The following HSPE1 variants were observed in gnomAD, a reference collection of about 807,000 sequenced individuals.
HSPE1 encodes the protein heat shock protein family E (Hsp10) member 1.
In HSPE1, 1 loss-of-function variant was observed where a neutral mutation model predicts 13.2. The ratio of observed to expected loss-of-function variants is 0.08; its 90% CI spans 0.03 to 0.36. HSPE1 has a LOEUF of 0.36. Among genes scored for constraint, HSPE1 ranks in the 10% least tolerant of loss-of-function variants. The pLI is 0.99. For synonymous variants in HSPE1, 44 were observed against 42.0 expected (o/e 1.05, Z -0.19); for missense variants, 73 against 118.7 (o/e 0.62, Z 1.79).
In HSPE1 at chr2:197,500,471, C is replaced by T. The variant is rs753141735; in HGVS notation, c.3+32C>T. 19 of 1,588,968 alleles carry T rather than the reference C, an allele frequency of 1.2e-5. No individual in the cohort carries two copies. In the East Asian group the frequency reaches 3.9e-4, roughly 32 times the overall value. On this transcript the variant is annotated intron_variant, in intron 1 of 3. Transcript: ENST00000233893. ...CCCGCGTGGCCCCGAGGCCTGCAGG[C>T]CCGGGCCTGTCTGAGGCGTACGGGG...
chr2:197,501,271 T>C (rs1030120330), intron 2 of HSPE1, 33 bp downstream of exon 2: 2 of 1,576,866 alleles, frequency 1.3e-6, no homozygotes, highest in Non-Finnish European at 1.7e-6. Context: ...CTATTTTTTA[T>C]AGTGTGCAGT....
chr2:197,500,745 G>A, intron 1 of HSPE1: 1 of 587,154 alleles, frequency 1.7e-6, no homozygotes, highest in Non-Finnish European at 3.0e-6. Context: ...CATGGTGCCA[G>A]GCAGGGAGCT....
chr2:197,500,567 G>A lies in HSPE1; in HGVS notation c.3+128G>A, dbSNP rs1373397479. ...GGCCACTCAGTGACCAGCGCCCGAT[G>A]GCACCTTGGAGCGGCAAGGCCCGCC... On this transcript the variant is annotated intron_variant, in intron 1 of 3. Transcript: ENST00000233893. The A allele has an allele frequency of 2.1e-5, 30 of 1,420,280 alleles. No individual in the cohort carries two copies. In the Middle Eastern group the frequency reaches 7.8e-4, roughly 37 times the overall value. The allele number at this position is 1,420,280 out of a possible 1,614,324, so 88.0% of individuals were successfully genotyped here. A position where few individuals can be genotyped will look rare whatever the true frequency, so the allele number is the denominator to read the frequency against.
intron 2 of HSPE1, among the ~76,000 whole-genome samples, chr2:197,502,124 C>G (rs1162710086): frequency 6.6e-6 from 1 of 152,212 alleles, no homozygotes; most frequent in East Asian, 1.9e-4. Flanking sequence ...GTTGGTATAC[C>G]TGGTTGTATA....
At chr2:197,501,004 C>T (rs2086246417) in intron 1 of HSPE1, 70 bp from the exon 2 acceptor site, 3 of 1,563,726 alleles carry the variant, frequency 1.9e-6, no homozygotes, top group East Asian at 2.2e-5. Context: ...AGATGTATAG[C>T]ACGGTGGCGT....
chr2:197,501,756 A>C (rs1247702467), intron 2 of HSPE1, among the ~76,000 whole-genome samples: 1 of 135,362 alleles, frequency 7.4e-6, no homozygotes, highest in Non-Finnish European at 1.6e-5. Context: ...GGACAGGGCG[A>C]GATTCTGTCT....
chr2:197,502,894 A>C, intron 2 of HSPE1, 145 bp from the exon 3 acceptor site: 1 of 589,358 alleles, frequency 1.7e-6, no homozygotes, highest in Non-Finnish European at 3.0e-6. Context: ...TTCTAGTATG[A>C]GTCGTATCAC....
Position 197,500,403 on chromosome 2 carries a change from T to C in HSPE1, c.-34T>C. On this transcript the variant is annotated 5_prime_UTR_variant, in exon 1 of 4. Coordinates refer to ENST00000233893, the MANE Select transcript of HSPE1 (RefSeq NM_002157.3). ...TGCGAGTCTCTTTGCGGCGCTACAC[T>C]AGAGCAGAGTACGAGTCTGAGGCGG... is the stretch of plus-strand genomic sequence containing the variant. 1.3e-6 allele frequency: 2 copies of C among 1,597,942 alleles called. No individual in the cohort carries two copies. The highest frequency in any genetic ancestry group is 1.7e-6 in the Non-Finnish European group (2 of 1,172,948).
In HSPE1 at chr2:197,503,244, A is replaced by G. The variant is rs761685029; in HGVS notation, c.294A>G (p.Gly98=). 1 of 1,605,622 alleles carries G rather than the reference A, an allele frequency of 6.2e-7. No homozygotes were observed. Among genetic ancestry groups the G allele is most frequent in the Non-Finnish European group, 8.5e-7 (1 of 1,175,240 alleles). Reference sequence around the variant, plus strand: ...TATTTAGAGATGGTGACATTCTTGGAAAGTACGTAGACTGAAATAAGTCAC... The same window carrying G: ...TATTTAGAGATGGTGACATTCTTGGGAAGTACGTAGACTGAAATAAGTCAC... The part of the protein sequence containing the change: ...YFLFRDGDIL[G]KYVD The change falls in exon 4 of 4, where the codon GGA becomes GGG. Residue 98 remains glycine (G), a synonymous_variant. Transcript: ENST00000233893.
chr2:197,500,762 A>C (rs770094011), intron 1 of HSPE1: 1 of 577,376 alleles, frequency 1.7e-6, no homozygotes, highest in Non-Finnish European at 3.1e-6. Flanking sequence ...AGCTTGACCC[A>C]GCGTTTCCTG....
At chr2:197,500,815 G>C in intron 1 of HSPE1, 1 of 585,794 alleles carries the variant, frequency 1.7e-6, no homozygotes, top group Non-Finnish European at 3.0e-6. Context: ...ATTTGACCTT[G>C]GAATAAACTA....
chr2:197,500,492 C>T (rs1270885852), intron 1 of HSPE1, 53 bp downstream of exon 1: 5 of 829,646 alleles, frequency 6.0e-6, no homozygotes, highest in Non-Finnish European at 9.1e-6. Flanking sequence ...CTGAGGCGTA[C>T]GGGGATCCCT....
At position 197,503,152 on chromosome 2, in the gene HSPE1, AAAG is replaced by A. The variant is rs774063842; in HGVS notation, c.258+28_258+30del. Reference sequence around the variant, plus strand: ...AGGTGTGTAAACTTAATAATTCTAAAAAGAAGTCAGATATTTGCAATTAGTTGT... The same window carrying A: ...AGGTGTGTAAACTTAATAATTCTAAAAAGTCAGATATTTGCAATTAGTTGT... On this transcript the variant is annotated intron_variant, in intron 3 of 3. Transcript: ENST00000233893. 225 of 1,584,416 alleles carry A rather than the reference AAAG, an allele frequency of 1.4e-4. 1 individual carries two copies. The highest frequency in any genetic ancestry group is 1.8e-4 in the Non-Finnish European group (212 of 1,153,402).
At chr2:197,500,512 C>G (rs2086237338) in intron 1 of HSPE1, 73 bp downstream of exon 1, 3 of 639,100 alleles carry the variant, frequency 4.7e-6, no homozygotes, top group Non-Finnish European at 5.5e-6. Context: ...TGACGCCCCT[C>G]TTTTGTTGGG....
chr2:197,502,213 C>T (rs1021286647), intron 2 of HSPE1, among the ~76,000 whole-genome samples: 3 of 152,166 alleles, frequency 2.0e-5, no homozygotes, highest in Non-Finnish European at 4.4e-5. Flanking sequence ...ACGCAAATCC[C>T]TAAACTTTCT....
Position 197,500,559 on chromosome 2 carries a change from C to T in HSPE1, c.3+120C>T, listed in dbSNP as rs1001857591. The T allele has an allele frequency of 4.9e-6, 7 of 1,439,622 alleles. No homozygotes were observed. In the African/African-American group the frequency reaches 9.9e-5, roughly 20 times the overall value. The allele number at this position is 1,439,622 out of a possible 1,614,324, so 89.2% of individuals were successfully genotyped here. On this transcript the variant is annotated intron_variant, in intron 1 of 3. Coordinates refer to ENST00000233893, the MANE Select transcript of HSPE1 (RefSeq NM_002157.3). ...GGATTGGTGGCCACTCAGTGACCAG[C>T]GCCCGATGGCACCTTGGAGCGGCAA...
rs1484605385 is a variant in HSPE1 at position 197,503,027 on chromosome 2, T to C, written c.169-12T>C. The C allele has an allele frequency of 6.6e-7, 1 of 1,525,802 alleles. No individual in the cohort carries two copies. The highest frequency in any genetic ancestry group is 9.0e-7 in the Non-Finnish European group (1 of 1,110,172). 94.5% of individuals were successfully genotyped at this position (1,525,802 alleles called of 1,614,324 possible). A position where few individuals can be genotyped will look rare whatever the true frequency, so the allele number is the denominator to read the frequency against. On this transcript the variant is annotated splice_polypyrimidine_tract_variant and intron_variant, in intron 2 of 3. Coordinates refer to ENST00000233893, the MANE Select transcript of HSPE1 (RefSeq NM_002157.3). ...AGATATCTTTGCTAATAAACATCCT[T>C]CCTTTTTTAAGGGTGGAGAGATTCA... is the stretch of plus-strand genomic sequence containing the variant.
At chr2:197,500,887 G>T (rs1471989786) in intron 1 of HSPE1, 187 bp from the exon 2 acceptor site, 1 of 700,298 alleles carries the variant, frequency 1.4e-6, no homozygotes, top group Non-Finnish European at 2.4e-6. Context: ...CCTAACAGAC[G>T]TAAGGAATCG....
intron 1 of HSPE1, 108 bp from the exon 2 acceptor site, chr2:197,500,966 T>C: frequency 7.8e-7 from 1 of 1,279,264 alleles, no homozygotes; most frequent in Non-Finnish European, 1.1e-6. Context: ...TGAGGTTTGG[T>C]GTTAACTTTC....
Sources: gnomAD v4.1 joint callset for allele counts (sites outside exome capture counted in the v4.1 genomes callset) on GRCh38, gnomAD v4.1.1 for gene constraint, MANE v1.5 for transcripts, NCBI Gene and HGNC (gene_info 2026-07-23, HGNC 2026-07-21) for gene names.